The following SIM2 variants were observed in gnomAD, a reference collection of about 807,000 sequenced individuals.
The protein encoded by SIM2 is SIM bHLH transcription factor 2.
In SIM2, 28 loss-of-function variants were observed where a neutral mutation model predicts 64.8. That is an observed-to-expected ratio of 0.43 (90% CI 0.32 to 0.59). SIM2 has a LOEUF of 0.59. Among genes scored for constraint, SIM2 ranks in the 20% least tolerant of loss-of-function variants. SIM2 has a pLI of 0.07. For missense variants in SIM2, 847 were observed against 871.4 expected (o/e 0.97, Z 0.35); for synonymous variants, 408 against 391.1 (o/e 1.04, Z -0.51).
chr21:36,743,924 T>C (rs1461348730), intron 9 of SIM2, among the ~76,000 whole-genome samples: 2 of 152,160 alleles, frequency 1.3e-5, no homozygotes, highest in Non-Finnish European at 2.9e-5. Context: ...CCCTCCCTCT[T>C]TTTAAAAAAG....
Position 36,699,698 on chromosome 21 carries a change from C to T in SIM2, c.-49C>T. 2 of 1,581,622 alleles carry T rather than the reference C, an allele frequency of 1.3e-6. No individual in the cohort carries two copies. Among genetic ancestry groups the T allele is most frequent in the South Asian group, 1.1e-5 (1 of 87,432 alleles). Reference sequence around the variant, plus strand: ...CGCCGCCGCAGCCCGAGCGGGGCTCCGCGGGCCTGGAGCACGGCCGGGTCT... The same window carrying T: ...CGCCGCCGCAGCCCGAGCGGGGCTCTGCGGGCCTGGAGCACGGCCGGGTCT... On this transcript the variant is annotated 5_prime_UTR_variant, in exon 1 of 11. Transcript: ENST00000290399. The surrounding 1 kb of genome is among the most constrained non-coding windows in gnomAD (Gnocchi z 5.6).
At chr21:36,728,652 G>A (rs2088926166) in intron 6 of SIM2, among the ~76,000 whole-genome samples, 1 of 152,246 alleles carries the variant, frequency 6.6e-6, no homozygotes, top group Non-Finnish European at 1.5e-5. Flanking sequence ...AAAGGGGTCA[G>A]AAGAATGCTG....
At chr21:36,700,415 A>G (rs1309306578) in intron 1 of SIM2, among the ~76,000 whole-genome samples, 3 of 134,210 alleles carry the variant, frequency 2.2e-5, no homozygotes, top group Non-Finnish European at 4.6e-5. Flanking sequence ...TCCTTTGCCA[A>G]TGCATTGGTT....
intron 2 of SIM2, 150 bp from the exon 3 acceptor site, chr21:36,712,383 T>C: frequency 1.7e-6 from 1 of 585,278 alleles, no homozygotes; most frequent in South Asian, 2.5e-5. Flanking sequence ...TACAGTCCTT[T>C]TTAAGACCCT....
rs1188344982 is a variant in SIM2, at chr21:36,719,887, G to C, written c.415G>C (p.Val139Leu). The C allele has an allele frequency of 1.9e-6, 3 of 1,613,116 alleles. No homozygotes were observed. Among genetic ancestry groups the C allele is most frequent in the South Asian group, 2.2e-5 (2 of 91,040 alleles). ...HPSDHDEMTA[V>L]LTAHQPLHHH... ...TTCTGACCACGATGAGATGACCGCT[G>C]TCCTCACGGCCCACCAGCCGCTGCA... Residue 139 changes from valine (V) to leucine (L), a missense_variant, in exon 4 of 11, where the codon GTC becomes CTC. Transcript: ENST00000290399.
chr21:36,718,973 T>C (rs2088782405), intron 3 of SIM2, among the ~76,000 whole-genome samples: 1 of 152,214 alleles, frequency 6.6e-6, no homozygotes, highest in Admixed American at 6.5e-5. Context: ...ATTGTAACTA[T>C]GATGGGTATT....
rs1601678440 is a variant in SIM2 at position 36,699,140 on chromosome 21, G to A, written c.-607G>A. Reference sequence around the variant, plus strand: ...ATAAACAAACGCGGCTCGGCCGCACGTGGACAGCGGAGGTGCTGCGCCTAG... The same window carrying A: ...ATAAACAAACGCGGCTCGGCCGCACATGGACAGCGGAGGTGCTGCGCCTAG... On this transcript the variant is annotated 5_prime_UTR_variant, in exon 1 of 11. In the 5' UTR this introduces an upstream ATG that the reference lacks. Transcript: ENST00000290399. The surrounding 1 kb of genome is among the most constrained non-coding windows in gnomAD (Gnocchi z 5.6). 1 of 149,106 alleles carries A rather than the reference G, an allele frequency of 6.7e-6. No homozygotes were observed. Among genetic ancestry groups the A allele is most frequent in the Non-Finnish European group, 1.5e-5 (1 of 67,102 alleles). The allele number at this position is 149,106 out of a possible 1,614,324, so 9.2% of individuals were successfully genotyped here.
intron 1 of SIM2, among the ~76,000 whole-genome samples, chr21:36,707,675 C>G (rs1173481539): frequency 2.6e-5 from 4 of 151,770 alleles, no homozygotes; most frequent in Non-Finnish European, 4.4e-5. Flanking sequence ...GTGCATTTTA[C>G]GCTTCCAGAG....
rs1264024174 is a variant in SIM2, at chr21:36,723,125, T to C, written c.538T>C (p.Tyr180His). The C allele has an allele frequency of 6.2e-7, 1 of 1,614,012 alleles. No homozygotes were observed. The highest frequency in any genetic ancestry group is 1.1e-5 in the South Asian group (1 of 91,072). Residue 180 changes from tyrosine (Y) to histidine (H), a missense_variant, in exon 5 of 11, where the codon TAC becomes CAC. Physicochemically the swap from Tyr to His is moderately conservative, Grantham distance 83 (BLOSUM62 2). Transcript: ENST00000290399. ...GAACGCGGGCCTGACCTGCAGCGGA[T>C]ACAAGGTACGGGGAGTCATGGGTGC... ...KRNAGLTCSG[Y>H]KVIHCSGYLK...
chr21:36,735,039 T>A (rs931856934), intron 7 of SIM2, among the ~76,000 whole-genome samples: 6 of 152,190 alleles, frequency 3.9e-5, no homozygotes, highest in African/African-American at 1.4e-4. Context: ...ACAAAGGGTG[T>A]TGTCCACTGG....
At chr21:36,718,669 A>C (rs1338067504) in intron 3 of SIM2, among the ~76,000 whole-genome samples, 1 of 152,146 alleles carries the variant, frequency 6.6e-6, no homozygotes, top group Non-Finnish European at 1.5e-5. Flanking sequence ...AGGAAGTCCT[A>C]CCACTGCCCC....
chr21:36,713,114 T>A (rs1230577273), intron 3 of SIM2, among the ~76,000 whole-genome samples: 4 of 152,208 alleles, frequency 2.6e-5, no homozygotes, highest in Non-Finnish European at 5.9e-5. Flanking sequence ...TTCGGGGTCA[T>A]TTTTCCTGAC....
At chr21:36,706,049 C>T (rs2088576098) in intron 1 of SIM2, among the ~76,000 whole-genome samples, 1 of 152,168 alleles carries the variant, frequency 6.6e-6, no homozygotes, top group Non-Finnish European at 1.5e-5. Flanking sequence ...ACTATCTCCC[C>T]GTTTGCTCCC....
chr21:36,725,385 C>A (rs558625229), intron 5 of SIM2, among the ~76,000 whole-genome samples: 1 of 152,236 alleles, frequency 6.6e-6, no homozygotes, highest in Non-Finnish European at 1.5e-5. Flanking sequence ...TTTACTGGTA[C>A]AGCGTGTCGA....
chr21:36,744,794 C>T lies in SIM2; in HGVS notation c.1234C>T (p.Pro412Ser). Residue 412 changes from proline to serine, a missense_variant, in exon 10 of 11, where the codon CCT (proline) becomes TCT (serine). Physicochemically the swap from Pro to Ser is moderately conservative, Grantham distance 74. Transcript: ENST00000290399. ...GCTCGGAAACTGGAGAGCCAGTCCC[C>T]CTGCAAGCGCTGCTGCTCCTCCAGA... The part of the protein sequence containing the change: ...GQLGNWRASP[P>S]ASAAAPPELQ... 6.2e-7 allele frequency: 1 copy of T among 1,613,800 alleles called. No homozygotes were observed. The highest frequency in any genetic ancestry group is 1.3e-5 in the African/African-American group (1 of 75,066).
At chr21:36,721,086 A>T (rs1192535514) in intron 4 of SIM2, among the ~76,000 whole-genome samples, 1 of 152,148 alleles carries the variant, frequency 6.6e-6, no homozygotes, top group Non-Finnish European at 1.5e-5. Flanking sequence ...ACAGTTGTAA[A>T]ATCCCTTGCA....
intron 8 of SIM2, 62 bp from the exon 9 acceptor site, chr21:36,743,325 C>T: frequency 6.7e-7 from 1 of 1,491,412 alleles, no homozygotes; most frequent in Non-Finnish European, 9.1e-7. Context: ...GGGCTGGGGC[C>T]AGGGAAGCTG....
chr21:36,717,964 G>T (rs1310762319), intron 3 of SIM2, among the ~76,000 whole-genome samples: 4 of 152,152 alleles, frequency 2.6e-5, no homozygotes, highest in Admixed American at 2.6e-4. Flanking sequence ...TCAGGGAGGC[G>T]AATGTCCGTC....
chr21:36,721,528 C>T (rs2088822302), intron 4 of SIM2, among the ~76,000 whole-genome samples: 1 of 150,300 alleles, frequency 6.7e-6, no homozygotes, highest in Non-Finnish European at 1.5e-5. Flanking sequence ...CAACCTCCAC[C>T]ACCTGGGTTC....
Sources: allele counts gnomAD v4.1 joint callset (sites outside exome capture counted in the v4.1 genomes callset), GRCh38; gene constraint gnomAD v4.1.1; non-coding constraint Gnocchi (gnomAD v3.1); transcripts MANE v1.5; gene names NCBI Gene and HGNC (gene_info 2026-07-23, HGNC 2026-07-21).